Variants in MDM2 observed in about 807,000 individuals in gnomAD.
The protein encoded by MDM2 is MDM2 proto-oncogene, also known as E3 ubiquitin-protein ligase Mdm2.
MDM2 carries 11 observed loss-of-function variants against 64.3 expected under a neutral mutation model. The ratio of observed to expected loss-of-function variants is 0.17; its 90% CI spans 0.11 to 0.28. The LOEUF (loss-of-function observed/expected upper bound fraction) is 0.28, where lower values mean the gene tolerates loss of function less well. Ranked by LOEUF, MDM2 falls within the 10% of genes least tolerant of loss-of-function variation. MDM2 has a pLI of 1.00. For missense variants in MDM2, 388 were observed against 577.1 expected, an observed-to-expected ratio of 0.67 and a Z score of 3.36; for synonymous variants, 194 against 192.9, an observed-to-expected ratio of 1.01 and a Z score of -0.05.
chr12:68,826,329 A>C (rs1194563845), intron 7 of MDM2, among the ~76,000 whole-genome samples: 2 of 152,056 alleles, frequency 1.3e-5, no homozygotes, highest in Admixed American at 6.6e-5. Context: ...AGTGGGTAAA[A>C]ATTGATTAAA....
chr12:68,827,771 A>G (rs1405481882), intron 7 of MDM2, among the ~76,000 whole-genome samples: 1 of 152,218 alleles, frequency 6.6e-6, no homozygotes, highest in Non-Finnish European at 1.5e-5. Flanking sequence ...TGACCCATTC[A>G]GAGATAATTT....
intron 2 of MDM2, among the ~76,000 whole-genome samples, chr12:68,811,639 C>T (rs1030758365): frequency 7.5e-5 from 9 of 119,624 alleles, no homozygotes; most frequent in South Asian, 2.5e-4. Flanking sequence ...GAGTCTTGGT[C>T]TGTTGCCCAG....
rs1210454406 is a variant in MDM2, at chr12:68,844,355, T to C, written c.*4506T>C. On this transcript the variant is annotated 3_prime_UTR_variant, in exon 11 of 11. Transcript: ENST00000258149. ...AATATCACTGGGCAGCTTGAAGCAG[T>C]TGGGAGCCTCCAATGAGAGCAACTT... is the stretch of plus-strand genomic sequence containing the variant. 4 of 224,488 alleles carry C rather than the reference T, an allele frequency of 1.8e-5. No individual in the cohort carries two copies. Among genetic ancestry groups the C allele is most frequent in the East Asian group, 1.3e-4 (2 of 15,480 alleles). The allele number at this position is 224,488 out of a possible 1,614,324, so 13.9% of individuals were successfully genotyped here. A position where few individuals can be genotyped will look rare whatever the true frequency, so the allele number is the denominator to read the frequency against.
intron 7 of MDM2, among the ~76,000 whole-genome samples, chr12:68,826,899 A>G (rs1050272403): frequency 2.0e-5 from 3 of 151,984 alleles, no homozygotes; most frequent in African/African-American, 7.2e-5. Context: ...AATCCCGGCC[A>G]GGTCCAGTGG....
intron 3 of MDM2, among the ~76,000 whole-genome samples, chr12:68,814,938 C>T (rs1020444540): frequency 6.6e-6 from 1 of 152,136 alleles, no homozygotes; most frequent in East Asian, 1.9e-4. Flanking sequence ...TTCCATTTTT[C>T]TTTTTCCTCT....
intron 2 of MDM2, among the ~76,000 whole-genome samples, chr12:68,809,847 A>G (rs1203441004): frequency 2.0e-5 from 3 of 152,202 alleles, no homozygotes; most frequent in African/African-American, 4.8e-5. Flanking sequence ...AATAAAGTCT[A>G]CAGAATTCTT....
chr12:68,821,133 C>A (rs544427556), intron 5 of MDM2, among the ~76,000 whole-genome samples: 2 of 151,026 alleles, frequency 1.3e-5, no homozygotes, highest in African/African-American at 2.4e-5. Context: ...CTGCAACCTC[C>A]GCCTCCCAGG....
At chr12:68,812,502 C>A (rs1880993448) in intron 2 of MDM2, among the ~76,000 whole-genome samples, 1 of 152,134 alleles carries the variant, frequency 6.6e-6, no homozygotes, top group South Asian at 2.1e-4. Context: ...TATTACATTC[C>A]CCTCCCCCAT....
intron 8 of MDM2, among the ~76,000 whole-genome samples, chr12:68,832,884 T>A (rs1262335637): frequency 6.6e-6 from 1 of 151,422 alleles, no homozygotes; most frequent in Non-Finnish European, 1.5e-5. Flanking sequence ...CCCAGCACTT[T>A]GGGAGGCTGA....
rs1880667484 is a variant in MDM2 at position 68,809,447 on chromosome 12, A to G, written c.99+155A>G. The G allele has an allele frequency of 1.9e-5, 13 of 699,580 alleles. No homozygotes were observed. The Admixed American group carries it at 2.9e-4, about 15-fold the overall frequency. The allele number at this position is 699,580 out of a possible 1,614,324, so 43.3% of individuals were successfully genotyped here. On this transcript the variant is annotated intron_variant, in intron 2 of 10. Transcript: ENST00000258149. ...ACCTCTGGCGTAACTGCGTGGAGTT[A>G]AAAACTGTTAAGAACTGGTCAGTAT...
intron 8 of MDM2, among the ~76,000 whole-genome samples, chr12:68,834,720 G>A (rs1421283310): frequency 3.3e-5 from 5 of 152,188 alleles, no homozygotes; most frequent in African/African-American, 7.2e-5. Flanking sequence ...CTGGGTGATG[G>A]AGCAAGATTC....
intron 2 of MDM2, among the ~76,000 whole-genome samples, chr12:68,810,484 C>G (rs534765966): frequency 6.6e-6 from 1 of 151,384 alleles, no homozygotes; most frequent in Admixed American, 6.6e-5. Context: ...TTTTTTGAGG[C>G]GGAGTCTTGC....
chr12:68,841,393 AC>A lies in MDM2; in HGVS notation c.*1547del, dbSNP rs139934459. ...TAGGATTACAGGCGTTAGCCACCAC[AC>A]CCGGCTGTAAAAATGTACTTATTCT... On this transcript the variant is annotated 3_prime_UTR_variant, in exon 11 of 11. Coordinates refer to ENST00000258149, the MANE Select transcript of MDM2 (RefSeq NM_002392.6). 1 of 208,144 alleles carries A rather than the reference AC, an allele frequency of 4.8e-6. No individual in the cohort carries two copies. The highest frequency in any genetic ancestry group is 7.2e-5 in the East Asian group (1 of 13,816). 12.9% of individuals were successfully genotyped at this position (208,144 alleles called of 1,614,324 possible).
intron 5 of MDM2, among the ~76,000 whole-genome samples, chr12:68,820,811 C>G (rs1043133182): frequency 6.6e-6 from 1 of 152,018 alleles, no homozygotes; most frequent in South Asian, 2.1e-4. Context: ...TTCCTACTTC[C>G]GTTTCTTAAC....
At position 68,842,481 on chromosome 12, in the gene MDM2, A is replaced by C; in HGVS notation, c.*2632A>C. 5.0e-6 allele frequency: 2 copies of C among 400,804 alleles called. No homozygotes were observed. Among genetic ancestry groups the C allele is most frequent in the South Asian group, 4.1e-5 (2 of 48,622 alleles). 24.8% of individuals were successfully genotyped at this position (400,804 alleles called of 1,614,324 possible). A position where few individuals can be genotyped will look rare whatever the true frequency, so the allele number is the denominator to read the frequency against. ...AAATTATTGACTTATTTTTTATATA[A>C]GGTCACTCCGATGAAAGGTGATTAC... is the stretch of plus-strand genomic sequence containing the variant. On this transcript the variant is annotated 3_prime_UTR_variant, in exon 11 of 11. Coordinates refer to ENST00000258149, the MANE Select transcript of MDM2 (RefSeq NM_002392.6).
At position 68,840,836 on chromosome 12, in the gene MDM2, T is replaced by C. The variant is rs1047655826; in HGVS notation, c.*987T>C. On this transcript the variant is annotated 3_prime_UTR_variant, in exon 11 of 11. Coordinates refer to ENST00000258149, the MANE Select transcript of MDM2 (RefSeq NM_002392.6). Reference sequence around the variant, plus strand: ...ATTAGTATTTAAATTTTAGATACTCTTTTTTTTTTTTTTTTTTTTTTTTTT... The same window carrying C: ...ATTAGTATTTAAATTTTAGATACTCCTTTTTTTTTTTTTTTTTTTTTTTTT... 8.5e-5 allele frequency: 2 copies of C among 23,626 alleles called. No individual in the cohort carries two copies. Among genetic ancestry groups the C allele is most frequent in the Non-Finnish European group, 1.6e-4 (2 of 12,716 alleles). The allele number at this position is 23,626 out of a possible 1,614,324, so 1.5% of individuals were successfully genotyped here.
rs984022190 is a variant in MDM2, at chr12:68,818,575, TTATA to T, written c.308+1636_308+1639del. 4.7e-5 allele frequency among the ~76,000 whole-genome samples: 7 copies of T among 148,220 alleles called. No homozygotes were observed. The South Asian group carries it at 6.3e-4, about 13-fold the overall frequency. ...ATATTATAATATACATATAATATAATTATATATATTACAAATATATGTATAATTA... is the reference window on the plus strand; with the variant it reads ...ATATTATAATATACATATAATATAATTATATTACAAATATATGTATAATTA... On this transcript the variant is annotated intron_variant, in intron 4 of 10. Coordinates refer to ENST00000258149, the MANE Select transcript of MDM2 (RefSeq NM_002392.6).
chr12:68,820,684 G>T (rs947103293), intron 5 of MDM2, among the ~76,000 whole-genome samples: 14 of 152,162 alleles, frequency 9.2e-5, no homozygotes, highest in African/African-American at 3.4e-4. Flanking sequence ...GTATTGAAAG[G>T]CTTTGGGAAA....
rs888117468 is a variant in MDM2 at position 68,840,478 on chromosome 12, AATGTGTGAAAG to A, written c.*632_*642del. On this transcript the variant is annotated 3_prime_UTR_variant, in exon 11 of 11. Coordinates refer to ENST00000258149, the MANE Select transcript of MDM2 (RefSeq NM_002392.6). Reference sequence around the variant, plus strand: ...CTTAGTACCTTTGATATAAAGAGAAAATGTGTGAAAGATTTAGTTTTTTGTTTTTTTGTTTG... The same window carrying A: ...CTTAGTACCTTTGATATAAAGAGAAAATTTAGTTTTTTGTTTTTTTGTTTG... 7.6e-4 allele frequency: 140 copies of A among 185,234 alleles called. No individual in the cohort carries two copies. Among genetic ancestry groups the A allele is most frequent in the African/African-American group, 3.2e-3 (133 of 41,742 alleles). The allele number at this position is 185,234 out of a possible 1,614,324, so 11.5% of individuals were successfully genotyped here.
Sources: gnomAD v4.1 joint callset for allele counts (sites outside exome capture counted in the v4.1 genomes callset) on GRCh38, gnomAD v4.1.1 for gene constraint, MANE v1.5 for transcripts, NCBI Gene and HGNC (gene_info 2026-07-23, HGNC 2026-07-21) for gene names.